BCAT1: variants seen among roughly 807,000 people sequenced by gnomAD.
BCAT1 encodes the protein branched-chain-amino-acid aminotransferase, cytosolic.
Under a neutral mutation model 52.4 loss-of-function variants are expected in BCAT1, and 48 were observed. That is an observed-to-expected ratio of 0.92 (90% CI 0.73 to 1.16). The LOEUF (loss-of-function observed/expected upper bound fraction) is 1.16. Ranked by LOEUF, BCAT1 falls within the 50% of genes most tolerant of loss-of-function variation. The pLI is 0.00. For synonymous variants in BCAT1, 167 were observed against 161.3 expected (o/e 1.04, Z -0.27); for missense variants, 451 against 457.1 (o/e 0.99, Z 0.12).
chr12:24,840,995 C>T (rs1412129002), intron 7 of BCAT1, among the ~76,000 whole-genome samples: 2 of 152,024 alleles, frequency 1.3e-5, no homozygotes, highest in African/African-American at 2.4e-5. Context: ...GTTTTTCTCC[C>T]ACCGTTGGCC....
At chr12:24,828,810 A>T (rs981349506) in intron 10 of BCAT1, among the ~76,000 whole-genome samples, 17 of 152,276 alleles carry the variant, frequency 1.1e-4, no homozygotes, top group South Asian at 2.1e-4. Flanking sequence ...GTTCAAGACC[A>T]GCCTGGCCAA....
intron 1 of BCAT1, among the ~76,000 whole-genome samples, chr12:24,915,802 G>A (rs914694158): frequency 7.2e-5 from 11 of 152,310 alleles, no homozygotes; most frequent in African/African-American, 2.4e-4. Flanking sequence ...TTTCTACAGG[G>A]ATGGCTCTTA....
intron 10 of BCAT1, among the ~76,000 whole-genome samples, chr12:24,826,547 A>G (rs951762260): frequency 2.0e-5 from 3 of 152,150 alleles, no homozygotes; most frequent in Admixed American, 6.5e-5. Context: ...TAGTTTTATA[A>G]TAAATTTTGA....
chr12:24,907,765 C>T (rs1943249840), intron 1 of BCAT1, among the ~76,000 whole-genome samples: 1 of 152,160 alleles, frequency 6.6e-6, no homozygotes, highest in African/African-American at 2.4e-5. Flanking sequence ...CCATCCCCTG[C>T]CCACAAAAAA....
At chr12:24,873,091 T>A (rs1942228014) in intron 5 of BCAT1, among the ~76,000 whole-genome samples, 1 of 152,232 alleles carries the variant, frequency 6.6e-6, no homozygotes, top group Non-Finnish European at 1.5e-5. Context: ...CAGGACGAGG[T>A]TAAAATCAGC....
At chr12:24,865,803 CT>C in intron 5 of BCAT1, among the ~76,000 whole-genome samples, 1 of 152,328 alleles carries the variant, frequency 6.6e-6, no homozygotes, top group South Asian at 2.1e-4. Flanking sequence ...AATTTTCCTG[CT>C]TTACTCAATT....
chr12:24,877,323 T>C (rs1942375876), intron 5 of BCAT1, among the ~76,000 whole-genome samples: 2 of 152,084 alleles, frequency 1.3e-5, no homozygotes, highest in Non-Finnish European at 2.9e-5. Flanking sequence ...CCACATTCAA[T>C]CTCCTTCCAT....
intron 1 of BCAT1, among the ~76,000 whole-genome samples, chr12:24,920,131 T>C (rs1015672791): frequency 6.6e-6 from 1 of 152,212 alleles, no homozygotes; most frequent in Non-Finnish European, 1.5e-5. Flanking sequence ...TAGAGTTTTA[T>C]GAGAACTAAA....
At chr12:24,907,264 C>A (rs1312858624) in intron 1 of BCAT1, among the ~76,000 whole-genome samples, 2 of 152,232 alleles carry the variant, frequency 1.3e-5, no homozygotes, top group African/African-American at 2.4e-5. Flanking sequence ...CGTCTCTGAA[C>A]CCTGTCTAGG....
chr12:24,921,903 A>C (rs570417161), intron 1 of BCAT1, among the ~76,000 whole-genome samples: 3 of 152,340 alleles, frequency 2.0e-5, no homozygotes, highest in South Asian at 4.1e-4. Context: ...AAAGGAAAGC[A>C]TGAAAAAAAT....
At chr12:24,926,559 C>T (rs1280892924) in intron 1 of BCAT1, among the ~76,000 whole-genome samples, 2 of 152,202 alleles carry the variant, frequency 1.3e-5, no homozygotes, top group African/African-American at 4.8e-5. Flanking sequence ...CAGATTGTTG[C>T]TGTGTCTGTG....
In BCAT1 at chr12:24,902,047, A is replaced by C. The variant is rs920225851; in HGVS notation, c.7-162T>G. 4.5e-6 allele frequency: 7 copies of C among 1,544,224 alleles called. No homozygotes were observed. The African/African-American group carries it at 8.2e-5, about 18-fold the overall frequency. On this transcript the variant is annotated intron_variant, in intron 1 of 10. Transcript: ENST00000261192. Reference sequence around the variant, plus strand: ...ACCAAGCACCCAGGCCCGAACCTCCAACAAGCGTGTCTTGGGAGCGCTGCC... The same window carrying C: ...ACCAAGCACCCAGGCCCGAACCTCCCACAAGCGTGTCTTGGGAGCGCTGCC...
At chr12:24,948,760 C>T (rs995882910) in intron 1 of BCAT1, among the ~76,000 whole-genome samples, 167 bp downstream of exon 1, 1 of 152,166 alleles carries the variant, frequency 6.6e-6, no homozygotes, top group Non-Finnish European at 1.5e-5. Flanking sequence ...ATGCACGGTC[C>T]CCGCAAACTA....
chr12:24,910,678 A>C (rs1943308678), intron 1 of BCAT1, among the ~76,000 whole-genome samples: 1 of 152,254 alleles, frequency 6.6e-6, no homozygotes, highest in Non-Finnish European at 1.5e-5. Context: ...CCAAGTAATC[A>C]GTAATGACAG....
intron 4 of BCAT1, among the ~76,000 whole-genome samples, chr12:24,880,161 C>T (rs760509134): frequency 9.9e-5 from 15 of 152,258 alleles, no homozygotes; most frequent in Non-Finnish European, 1.5e-4. Context: ...TGGGCTAAAT[C>T]CCTGAAGCTG....
At chr12:24,819,752 C>G (rs931632994) in intron 10 of BCAT1, among the ~76,000 whole-genome samples, 1 of 152,118 alleles carries the variant, frequency 6.6e-6, no homozygotes, top group African/African-American at 2.4e-5. Context: ...AATGGGTCTA[C>G]CTACCACCTG....
At chr12:24,923,056 G>GAC (rs1943525266) in intron 1 of BCAT1, among the ~76,000 whole-genome samples, 1 of 152,138 alleles carries the variant, frequency 6.6e-6, no homozygotes, top group Non-Finnish European at 1.5e-5. Context: ...AATCTCATTA[G>GAC]ACACTCAGTG....
At chr12:24,923,965 A>C (rs1245102848) in intron 1 of BCAT1, among the ~76,000 whole-genome samples, 1 of 152,232 alleles carries the variant, frequency 6.6e-6, no homozygotes, top group African/African-American at 2.4e-5. Context: ...GGATTTATTA[A>C]AAATCAAACA....
chr12:24,926,355 C>G (rs1386779027), intron 1 of BCAT1, among the ~76,000 whole-genome samples: 3 of 151,880 alleles, frequency 2.0e-5, no homozygotes, highest in Non-Finnish European at 4.4e-5. Context: ...CCCCGCCTGG[C>G]CAGCCGCCCC....
Sources: gnomAD v4.1 joint callset for allele counts (sites outside exome capture counted in the v4.1 genomes callset) on GRCh38, gnomAD v4.1.1 for gene constraint, MANE v1.5 for transcripts, NCBI Gene and HGNC (gene_info 2026-07-23, HGNC 2026-07-21) for gene names.